Variants in GRM8 observed in about 807,000 individuals in gnomAD.
The protein encoded by GRM8 is glutamate metabotropic receptor 8, also known as metabotropic glutamate receptor 8.
A neutral mutation model predicts 87.2 loss-of-function variants in GRM8; 47 were observed. The observed-to-expected ratio is 0.54, with a 90% CI of 0.43 to 0.69. The LOEUF (loss-of-function observed/expected upper bound fraction) is 0.69. Ranked by LOEUF, GRM8 falls within the 30% of genes least tolerant of loss-of-function variation. GRM8 has a pLI of 0.00. For synonymous variants in GRM8, 396 were observed against 404.5 expected (o/e 0.98, Z 0.25); for missense variants, 1,019 against 1,139.2 (o/e 0.89, Z 1.52).
At chr7:126,684,794 TTTTG>T (rs1807988045) in intron 7 of GRM8, among the ~76,000 whole-genome samples, 1 of 152,212 alleles carries the variant, frequency 6.6e-6, no homozygotes, top group African/African-American at 2.4e-5. Flanking sequence ...GTTCTGTGTA[TTTTG>T]TTTGTATTAT....
chr7:126,446,124 A>G lies in GRM8; in HGVS notation c.2677+2T>C. 6.2e-7 allele frequency: 1 copy of G among 1,612,530 alleles called. No individual in the cohort carries two copies. Among genetic ancestry groups the G allele is most frequent in the Non-Finnish European group, 8.5e-7 (1 of 1,178,878 alleles). On this transcript the variant is annotated splice_donor_variant, in intron 10 of 10. Transcript: ENST00000339582. LOFTEE classifies it high-confidence loss of function. ...CCATCGGAAACTCTACAGATGACTT[A>G]CTGTTGGTTTCAAGACTCTCACAGA...
chr7:126,787,545 T>A (rs1408168729), intron 6 of GRM8, among the ~76,000 whole-genome samples: 2 of 152,214 alleles, frequency 1.3e-5, no homozygotes, highest in African/African-American at 4.8e-5. Flanking sequence ...AAAATACATG[T>A]GAAAAATATT....
intron 2 of GRM8, among the ~76,000 whole-genome samples, chr7:127,217,645 G>A (rs1308353858): frequency 1.3e-5 from 2 of 152,162 alleles, no homozygotes; most frequent in South Asian, 4.1e-4. Context: ...AAACCAGGAT[G>A]TGGCTCGTAG....
At chr7:126,602,179 T>A (rs1797849664) in intron 8 of GRM8, among the ~76,000 whole-genome samples, 1 of 143,176 alleles carries the variant, frequency 7.0e-6, no homozygotes, top group Non-Finnish European at 1.5e-5. Flanking sequence ...GCACCATTTA[T>A]TAAATAGGGA....
rs192952008 is a variant in GRM8 at position 127,135,701 on chromosome 7, T to C, written c.511-28989A>G. On this transcript the variant is annotated intron_variant, in intron 2 of 10. Coordinates refer to ENST00000339582, the MANE Select transcript of GRM8 (RefSeq NM_000845.3). ...CCGGGCATGAAACTGTTACATGCAATTGGGCAGAGAGATTATATTTACATT... is the reference window on the plus strand; with the variant it reads ...CCGGGCATGAAACTGTTACATGCAACTGGGCAGAGAGATTATATTTACATT... Among the ~76,000 whole-genome samples, 165 of 149,718 alleles carry C rather than the reference T, an allele frequency of 1.1e-3. 1 individual carries two copies. Among genetic ancestry groups the C allele is most frequent in the African/African-American group, 3.9e-3 (160 of 41,160 alleles).
intron 9 of GRM8, among the ~76,000 whole-genome samples, chr7:126,478,120 T>A (rs942195802): frequency 6.6e-6 from 1 of 152,280 alleles, no homozygotes; most frequent in East Asian, 1.9e-4. Flanking sequence ...AGGCCCCTTT[T>A]CCATATAAGA....
At chr7:126,657,543 A>G (rs1328877798) in intron 7 of GRM8, among the ~76,000 whole-genome samples, 2 of 152,252 alleles carry the variant, frequency 1.3e-5, no homozygotes, top group Non-Finnish European at 2.9e-5. Context: ...TTAGGAACAT[A>G]AACTTTGAAA....
rs140248729 is a variant in GRM8, at chr7:126,467,432, C to T, written c.2431-21060G>A. Among the ~76,000 whole-genome samples the T allele has an allele frequency of 9.3e-3, 1,415 of 151,952 alleles. 18 individuals carry two copies. The highest frequency in any genetic ancestry group is 0.032 in the African/African-American group (1,329 of 41,460). ...TTTAAAAAAGAACAGATATCGAAGG[C>T]TTCATGCTTTTTTCATATTCCATTT... On this transcript the variant is annotated intron_variant, in intron 9 of 10. Transcript: ENST00000339582.
chr7:126,754,945 A>G (rs1217358968), intron 7 of GRM8, among the ~76,000 whole-genome samples: 2 of 133,730 alleles, frequency 1.5e-5, no homozygotes, highest in African/African-American at 5.2e-5. Flanking sequence ...GGTTTCAATA[A>G]TGCTAAAAAG....
intron 9 of GRM8, among the ~76,000 whole-genome samples, chr7:126,470,961 ATG>A (rs1805123453): frequency 6.6e-6 from 1 of 151,972 alleles, no homozygotes; most frequent in African/African-American, 2.4e-5. Flanking sequence ...GCATTTTTTC[ATG>A]TGTTTTTTGG....
At chr7:126,717,327 G>A (rs1811870148) in intron 7 of GRM8, among the ~76,000 whole-genome samples, 1 of 152,126 alleles carries the variant, frequency 6.6e-6, no homozygotes, top group South Asian at 2.1e-4. Flanking sequence ...CGAGGCTTGT[G>A]GGGTGGAGGG....
chr7:126,609,643 G>C (rs1050138786), intron 7 of GRM8, 145 bp from the exon 8 acceptor site: 5 of 620,176 alleles, frequency 8.1e-6, no homozygotes, highest in Non-Finnish European at 1.4e-5. Context: ...GGTCATTCTT[G>C]ATAGCATAAT....
intron 2 of GRM8, among the ~76,000 whole-genome samples, chr7:127,116,853 C>T (rs1408319843): frequency 6.6e-6 from 1 of 152,154 alleles, no homozygotes; most frequent in Non-Finnish European, 1.5e-5. Context: ...ATGCATATTA[C>T]AAATAATGTT....
intron 3 of GRM8, among the ~76,000 whole-genome samples, chr7:126,939,459 G>C (rs1486107049): frequency 6.6e-6 from 1 of 152,150 alleles, no homozygotes; most frequent in Non-Finnish European, 1.5e-5. Flanking sequence ...TCTCCCTCAT[G>C]GGTTGCTATG....
intron 2 of GRM8, among the ~76,000 whole-genome samples, chr7:127,130,931 G>A (rs998897359): frequency 5.3e-5 from 8 of 152,158 alleles, no homozygotes; most frequent in Middle Eastern, 3.2e-3. Flanking sequence ...GCAGAACTGT[G>A]AGTCAATTAA....
At chr7:126,920,494 CA>C (rs1425014716) in intron 3 of GRM8, among the ~76,000 whole-genome samples, 1 of 152,090 alleles carries the variant, frequency 6.6e-6, no homozygotes, top group Non-Finnish European at 1.5e-5. Context: ...TGAGAGCCCA[CA>C]AGGAGTGGGG....
At chr7:127,164,549 T>C (rs1318124980) in intron 2 of GRM8, among the ~76,000 whole-genome samples, 2 of 152,188 alleles carry the variant, frequency 1.3e-5, no homozygotes, top group African/African-American at 4.8e-5. Flanking sequence ...CTTAAATTCT[T>C]TTGAAACTTG....
At chr7:126,524,726 T>C (rs1295434603) in intron 9 of GRM8, among the ~76,000 whole-genome samples, 1 of 152,164 alleles carries the variant, frequency 6.6e-6, no homozygotes, top group Non-Finnish European at 1.5e-5. Context: ...GTTCTGACTT[T>C]TATTTTGCCC....
intron 2 of GRM8, among the ~76,000 whole-genome samples, chr7:127,186,608 C>T (rs1794751144): frequency 6.6e-6 from 1 of 152,152 alleles, no homozygotes; most frequent in Non-Finnish European, 1.5e-5. Context: ...TTGACCTTGC[C>T]CACATCTTTG....
Sources: gnomAD v4.1 joint callset for allele counts (sites outside exome capture counted in the v4.1 genomes callset) on GRCh38, gnomAD v4.1.1 for gene constraint, MANE v1.5 for transcripts, NCBI Gene and HGNC (gene_info 2026-07-23, HGNC 2026-07-21) for gene names.